Variants in PCDH15 observed in about 807,000 individuals in gnomAD.
PCDH15 encodes protocadherin related 15.
A neutral mutation model predicts 178.5 loss-of-function variants in PCDH15; 129 were observed. That is an observed-to-expected ratio of 0.72 (90% CI 0.63 to 0.84). PCDH15 has a LOEUF of 0.84. Among genes scored for constraint, PCDH15 ranks in the 40% least tolerant of loss-of-function variants. PCDH15 has a pLI of 0.00. For missense variants in PCDH15, 2,230 were observed against 2,099.9 expected, an observed-to-expected ratio of 1.06 and a Z score of -1.21; for synonymous variants, 800 against 732.0, an observed-to-expected ratio of 1.09 and a Z score of -1.50.
chr10:54,436,040 GAGAGAGAGAGAAAA>G (rs2075379188), intron 3 of PCDH15, among the ~76,000 whole-genome samples: 1 of 126,060 alleles, frequency 7.9e-6, no homozygotes, highest in African/African-American at 3.6e-5. Context: ...AGGAGAGAGA[GAGAGAGAGAGAAAA>G]GAAAGAAAGA....
intron 2 of PCDH15, among the ~76,000 whole-genome samples, chr10:55,460,029 C>A (rs186305429): frequency 6.6e-6 from 1 of 151,888 alleles, no homozygotes; most frequent in African/African-American, 2.4e-5. Context: ...CAAGAAAAAC[C>A]AGAACAGAAC....
intron 16 of PCDH15, among the ~76,000 whole-genome samples, chr10:54,083,858 CAT>C (rs2094473191): frequency 6.6e-6 from 1 of 152,162 alleles, no homozygotes; most frequent in Non-Finnish European, 1.5e-5. Flanking sequence ...GTTCCTGAAA[CAT>C]ATTATGCTTG....
At chr10:55,574,675 T>C (rs760796090) in intron 2 of PCDH15, among the ~76,000 whole-genome samples, 1 of 152,008 alleles carries the variant, frequency 6.6e-6, no homozygotes, top group Admixed American at 6.6e-5. Flanking sequence ...TCTATACTTT[T>C]AATGAGAAAA....
intron 1 of PCDH15, among the ~76,000 whole-genome samples, chr10:55,235,906 CAAAAAAAAAAAAAA>C (rs144784085): frequency 0.07 from 8,073 of 115,884 alleles, 702 homozygotes; most frequent in African/African-American, 0.22. Flanking sequence ...GACTCCATGT[CAAAAAAAAAAAAAA>C]AAAAAAAAAA....
At chr10:54,015,949 G>A (rs575821006) in intron 20 of PCDH15, among the ~76,000 whole-genome samples, 5 of 151,670 alleles carry the variant, frequency 3.3e-5, no homozygotes, top group Non-Finnish European at 7.4e-5. Context: ...AAAACAAAAC[G>A]AAACAAAAAA....
intron 3 of PCDH15, among the ~76,000 whole-genome samples, chr10:54,490,267 G>A (rs528889233): frequency 6.6e-6 from 1 of 152,018 alleles, no homozygotes; most frequent in South Asian, 2.1e-4. Context: ...TGGCTAACAC[G>A]GTGAAACTCT....
At position 55,356,851 on chromosome 10, in the gene PCDH15, G is replaced by A. The variant is rs115828334; in HGVS notation, c.-155-190200C>T. Among the ~76,000 whole-genome samples the A allele has an allele frequency of 5.6e-3, 851 of 151,982 alleles. 10 individuals are homozygous for A. Among genetic ancestry groups the A allele is most frequent in the African/African-American group, 0.02 (812 of 41,522 alleles). ...GACTCAAAATTGTATTCAGTGTTCT[G>A]TTTACTTCCAAGGCAGTGCATTTAG... On this transcript the variant is annotated intron_variant, in intron 2 of 5. Coordinates refer to the PCDH15 transcript ENST00000613346.
intron 2 of PCDH15, among the ~76,000 whole-genome samples, chr10:55,514,243 A>G (rs1840955383): frequency 6.6e-6 from 1 of 152,180 alleles, no homozygotes; most frequent in African/African-American, 2.4e-5. Context: ...GATGCCATCA[A>G]ATTACAAGAT....
chr10:55,069,581 T>A (rs1026447165), intron 2 of PCDH15, among the ~76,000 whole-genome samples: 10 of 144,280 alleles, frequency 6.9e-5, no homozygotes, highest in African/African-American at 2.6e-4. Context: ...TCCAGTTTCA[T>A]CCATGTCCCT....
chr10:53,921,362 A>C (rs1350084783), intron 25 of PCDH15, among the ~76,000 whole-genome samples: 1 of 149,580 alleles, frequency 6.7e-6, no homozygotes, highest in Non-Finnish European at 1.5e-5. Flanking sequence ...CAAGCACTTC[A>C]TTCAACCACA....
chr10:54,183,127 A>C lies in PCDH15; in HGVS notation c.1590+317T>G, dbSNP rs10082370. Among the ~76,000 whole-genome samples, 23,100 of 151,878 alleles carry C rather than the reference A, an allele frequency of 0.15. 4,223 individuals carry two copies. The highest frequency in any genetic ancestry group is 0.44 in the African/African-American group (18,155 of 41,330). Reference sequence around the variant, plus strand: ...CTCCTGAGTAGCTGGGATTACAGGCATGCGCCACCATACCCGGCTAATTTT... The same window carrying C: ...CTCCTGAGTAGCTGGGATTACAGGCCTGCGCCACCATACCCGGCTAATTTT... On this transcript the variant is annotated intron_variant, in intron 13 of 37. Transcript: ENST00000644397.
chr10:55,436,212 T>C (rs1839036423), intron 2 of PCDH15, among the ~76,000 whole-genome samples: 1 of 152,096 alleles, frequency 6.6e-6, no homozygotes, highest in Non-Finnish European at 1.5e-5. Context: ...ACATAAATAC[T>C]TTATTTAGAA....
chr10:54,753,024 C>T (rs1389793606), intron 1 of PCDH15, among the ~76,000 whole-genome samples: 2 of 152,104 alleles, frequency 1.3e-5, no homozygotes, highest in Admixed American at 6.5e-5. Flanking sequence ...AATTCAGCAC[C>T]ATATACTGAC....
intron 2 of PCDH15, among the ~76,000 whole-genome samples, chr10:55,372,229 C>T (rs1004371647): frequency 6.6e-6 from 1 of 152,068 alleles, no homozygotes; most frequent in African/African-American, 2.4e-5. Flanking sequence ...GATTCTCTAG[C>T]TCTTAAATGT....
chr10:55,044,227 C>T (rs1840941210), intron 2 of PCDH15, among the ~76,000 whole-genome samples: 1 of 152,136 alleles, frequency 6.6e-6, no homozygotes, highest in Non-Finnish European at 1.5e-5. Flanking sequence ...ACTAGAAATA[C>T]TGCACCATAG....
chr10:55,018,956 C>G (rs115926007), intron 2 of PCDH15, among the ~76,000 whole-genome samples: 1 of 152,030 alleles, frequency 6.6e-6, no homozygotes, highest in Admixed American at 6.6e-5. Flanking sequence ...CAGAAAACAT[C>G]CATTATCAAG....
intron 31 of PCDH15, among the ~76,000 whole-genome samples, 160 bp from the exon 32 acceptor site, chr10:53,827,708 C>T (rs577749431): frequency 1.3e-5 from 2 of 152,120 alleles, no homozygotes; most frequent in Admixed American, 6.5e-5. Flanking sequence ...AAAAGCATCC[C>T]CACAGGGTAT....
chr10:54,717,173 G>C (rs150333819), intron 1 of PCDH15, among the ~76,000 whole-genome samples: 1 of 122,602 alleles, frequency 8.2e-6, no homozygotes, highest in African/African-American at 3.3e-5. Context: ...GAAAACCTAG[G>C]CATTACCATT....
At chr10:55,488,680 C>T (rs1456018820) in intron 2 of PCDH15, among the ~76,000 whole-genome samples, 1 of 151,422 alleles carries the variant, frequency 6.6e-6, no homozygotes, top group African/African-American at 2.4e-5. Context: ...AACTTAGTTT[C>T]ATCTGCTTTT....
Sources: gnomAD v4.1 joint callset for allele counts (sites outside exome capture counted in the v4.1 genomes callset) on GRCh38, gnomAD v4.1.1 for gene constraint, MANE v1.5 for transcripts, NCBI Gene and HGNC (gene_info 2026-07-23, HGNC 2026-07-21) for gene names.